The following CACNA1B variants were observed in gnomAD, a reference collection of about 807,000 sequenced individuals.
CACNA1B encodes calcium voltage-gated channel subunit alpha1 B.
Under a neutral mutation model 247.2 loss-of-function variants are expected in CACNA1B, and 70 were observed. The observed-to-expected ratio is 0.28, with a 90% confidence interval of 0.23 to 0.35. The LOEUF is 0.35. CACNA1B is among the 10% of genes least tolerant of loss of function. The pLI is 1.00. For missense variants in CACNA1B, 2,367 were observed against 3,197.4 expected (o/e 0.74, Z 6.26); for synonymous variants, 1,231 against 1,294.4 (o/e 0.95, Z 1.05).
rs1110146 is a variant in CACNA1B at position 137,882,918 on chromosome 9, A to G, written c.530+35A>G. ...CTGAGGCCAGGAGGCCCAGCGTGTG[A>G]GGCCCGGGCGTGTGCTCTCTGAAGC... On this transcript the variant is annotated intron_variant, in intron 3 of 46. Coordinates refer to ENST00000371372, the MANE Select transcript of CACNA1B (RefSeq NM_000718.4). This position sits in a 1 kb window ranked among gnomAD's most constrained non-coding sequence, Gnocchi z 4.0. 2 of 1,568,142 alleles carry G rather than the reference A, an allele frequency of 1.3e-6. No individual in the cohort carries two copies. The highest frequency in any genetic ancestry group is 4.5e-5 in the East Asian group (2 of 44,668).
At chr9:138,065,498 G>A (rs574532373) in intron 31 of CACNA1B, among the ~76,000 whole-genome samples, 50 of 152,278 alleles carry the variant, frequency 3.3e-4, no homozygotes, top group African/African-American at 1.1e-3. Context: ...AGGCAGTCCC[G>A]GGGCATCTGA....
At chr9:137,903,480 C>T (rs994727108) in intron 3 of CACNA1B, among the ~76,000 whole-genome samples, 6 of 152,284 alleles carry the variant, frequency 3.9e-5, no homozygotes, top group Admixed American at 6.5e-5. Flanking sequence ...CCTGTGGTCT[C>T]GTTGTGTAGC....
rs1170014152 is a variant in CACNA1B, at chr9:137,954,654, T to C, written c.1071-1044T>C. Reference sequence around the variant, plus strand: ...ACAGTGGACCCTGCCTTCCTGTAGATTTGGGACTTGGGATGCCCAGATGGG... The same window carrying C: ...ACAGTGGACCCTGCCTTCCTGTAGACTTGGGACTTGGGATGCCCAGATGGG... On this transcript the variant is annotated intron_variant, in intron 7 of 46. Coordinates refer to ENST00000371372, the MANE Select transcript of CACNA1B (RefSeq NM_000718.4). The surrounding 1 kb of genome is among the most constrained non-coding windows in gnomAD (Gnocchi z 4.1). 2.0e-5 allele frequency among the ~76,000 whole-genome samples: 3 copies of C among 152,086 alleles called. No individual in the cohort carries two copies. The highest frequency in any genetic ancestry group is 7.2e-5 in the African/African-American group (3 of 41,420).
At chr9:138,088,959 CAAAAAAAAAAA>C (rs56112600) in intron 36 of CACNA1B, among the ~76,000 whole-genome samples, 38 of 61,428 alleles carry the variant, frequency 6.2e-4, no homozygotes, top group South Asian at 3.9e-3. Flanking sequence ...AACTCCGTCT[CAAAAAAAAAAA>C]AAAAAAAAAA....
chr9:138,084,944 T>A, intron 36 of CACNA1B, among the ~76,000 whole-genome samples: 1 of 143,556 alleles, frequency 7.0e-6, no homozygotes, highest in Non-Finnish European at 1.5e-5. Flanking sequence ...AGAGCGAGAC[T>A]CCATCTCAAA....
Position 138,050,264 on chromosome 9 carries a change from G to A in CACNA1B, c.3710+949G>A, listed in dbSNP as rs1226005894. On this transcript the variant is annotated intron_variant, in intron 24 of 46. Coordinates refer to ENST00000371372, the MANE Select transcript of CACNA1B (RefSeq NM_000718.4). The surrounding 1 kb of genome is among the most constrained non-coding windows in gnomAD (Gnocchi z 5.2). ...TTCCTGCCATGCCTCTGGGAGCGGG[G>A]CGGGGAGCTGGGCTGGAGCTGGGCA... 1.3e-5 allele frequency among the ~76,000 whole-genome samples: 2 copies of A among 152,240 alleles called. No homozygotes were observed. Among genetic ancestry groups the A allele is most frequent in the Non-Finnish European group, 2.9e-5 (2 of 68,044 alleles).
At chr9:137,889,290 C>A (rs1406934860) in intron 3 of CACNA1B, among the ~76,000 whole-genome samples, 1 of 150,202 alleles carries the variant, frequency 6.7e-6, no homozygotes, top group African/African-American at 2.4e-5. Flanking sequence ...AGGTGCAGCA[C>A]CCCGACCTCC....
rs528162817 is a variant in CACNA1B, at chr9:138,011,819, C to T, written c.2161-1310C>T. ...CTTAGTTTCTGCCAGCGTTGCGCCC[C>T]GAATGCAGATTCAAGGACATTTTAG... On this transcript the variant is annotated intron_variant, in intron 17 of 46. Transcript: ENST00000371372. The surrounding 1 kb of genome is among the most constrained non-coding windows in gnomAD (Gnocchi z 4.2). Among the ~76,000 whole-genome samples the T allele has an allele frequency of 1.2e-4, 19 of 152,274 alleles. No individual in the cohort carries two copies. Among genetic ancestry groups the T allele is most frequent in the South Asian group, 1.0e-3 (5 of 4,820 alleles).
intron 3 of CACNA1B, among the ~76,000 whole-genome samples, chr9:137,897,280 C>G (rs933828681): frequency 2.0e-5 from 3 of 151,998 alleles, no homozygotes; most frequent in Non-Finnish European, 4.4e-5. Flanking sequence ...ACATATAATA[C>G]TATAAATTTG....
chr9:138,008,080 T>A (rs556506359), intron 16 of CACNA1B, among the ~76,000 whole-genome samples: 1 of 152,066 alleles, frequency 6.6e-6, no homozygotes, highest in African/African-American at 2.4e-5. Flanking sequence ...TCCTGGGAAG[T>A]TGAGTGTGTG....
Position 138,011,334 on chromosome 9 carries a change from C to T in CACNA1B, c.2160+1257C>T, listed in dbSNP as rs1958721666. 1.3e-5 allele frequency among the ~76,000 whole-genome samples: 2 copies of T among 152,144 alleles called. No homozygotes were observed. The highest frequency in any genetic ancestry group is 1.3e-4 in the Admixed American group (2 of 15,272). On this transcript the variant is annotated intron_variant, in intron 17 of 46. Transcript: ENST00000371372. The surrounding 1 kb of genome is among the most constrained non-coding windows in gnomAD (Gnocchi z 4.2). ...ATGGAGGAAGCCATGTCCTTGGGGCCCTGTGTCCACATACATGTACCCTCA... is the reference window on the plus strand; with the variant it reads ...ATGGAGGAAGCCATGTCCTTGGGGCTCTGTGTCCACATACATGTACCCTCA...
intron 20 of CACNA1B, among the ~76,000 whole-genome samples, chr9:138,038,127 A>G (rs1959069198): frequency 6.6e-6 from 1 of 152,256 alleles, no homozygotes; most frequent in Admixed American, 6.5e-5. Context: ...AGTGAGAGCT[A>G]GAAGAAAATT....
At chr9:138,000,917 C>T (rs1958569431) in intron 15 of CACNA1B, among the ~76,000 whole-genome samples, 1 of 152,070 alleles carries the variant, frequency 6.6e-6, no homozygotes, top group South Asian at 2.1e-4. Context: ...TTTATTTGTG[C>T]TTTTTTTCCC....
chr9:138,117,286 G>A (rs1036109208), intron 42 of CACNA1B, among the ~76,000 whole-genome samples: 4 of 43,702 alleles, frequency 9.2e-5, no homozygotes, highest in Non-Finnish European at 5.9e-5. Context: ...TTGTGGCTTG[G>A]GGGGGGGGTC....
chr9:138,045,146 C>T (rs900307940), intron 21 of CACNA1B, among the ~76,000 whole-genome samples: 1 of 152,144 alleles, frequency 6.6e-6, no homozygotes, highest in Non-Finnish European at 1.5e-5. Context: ...CACAGTAGCC[C>T]AGAAGTAGAA....
chr9:138,005,302 G>A (rs1227534627), intron 15 of CACNA1B, among the ~76,000 whole-genome samples: 2 of 152,346 alleles, frequency 1.3e-5, no homozygotes, highest in Non-Finnish European at 2.9e-5. Flanking sequence ...ATGAAATCCT[G>A]TCATTTGCAG....
chr9:138,120,715 G>A lies in CACNA1B; in HGVS notation c.6323G>A (p.Arg2108Gln), dbSNP rs1325101942. 6 of 1,531,072 alleles carry A rather than the reference G, an allele frequency of 3.9e-6. No individual in the cohort carries two copies. In the African/African-American group the frequency reaches 4.2e-5, roughly 11 times the overall value. 94.8% of individuals were successfully genotyped at this position (1,531,072 alleles called of 1,614,324 possible). A position where few individuals can be genotyped will look rare whatever the true frequency, so the allele number is the denominator to read the frequency against. Residue 2108 changes from arginine (R) to glutamine (Q), a missense_variant, in exon 46 of 47, where the codon CGG becomes CAG. By Grantham distance (43) the Arg-to-Gln change is conservative (BLOSUM62 1). Around this residue, in one of 12 missense-constraint regions of CACNA1B, gnomAD observed 773 missense variants for 779.4 expected, o/e 0.99. Transcript: ENST00000371372. Reference protein sequence around the residue: ...CRRERERRQERGRSQERRQPS... With the variant: ...CRRERERRQEQGRSQERRQPS... ...CGGGAACGAGAGCGCCGGCAGGAGC[G>A]GGGCCGGTCCCAGGAGCGGAGGCAG...
At position 138,120,185 on chromosome 9, in the gene CACNA1B, C is replaced by A; in HGVS notation, c.6051C>A (p.Pro2017=). Residue 2017 remains proline (P), a synonymous_variant, in exon 45 of 47, where the codon CCC becomes CCA. Transcript: ENST00000371372. ...AETQPVTDAS[P]MKRSISTLAQ... ...CACAGCCCGTCACAGATGCCAGCCC[C>A]ATGAAGCGCTCCATCTCCACGCTGG... 6.2e-7 allele frequency: 1 copy of A among 1,606,068 alleles called. No individual in the cohort carries two copies. Among genetic ancestry groups the A allele is most frequent in the East Asian group, 2.3e-5 (1 of 44,240 alleles).
intron 36 of CACNA1B, among the ~76,000 whole-genome samples, chr9:138,094,457 A>AAAAAAAAAAAAAAAGAAG (rs752912258): frequency 8.2e-5 from 11 of 134,864 alleles, no homozygotes; most frequent in East Asian, 7.8e-4. Flanking sequence ...AAAAAAAAAA[A>AAAAAAAAAAAAAAAGAAG]AAGAAGAAGA....
Sources: allele counts gnomAD v4.1 joint callset (sites outside exome capture counted in the v4.1 genomes callset), GRCh38; gene constraint gnomAD v4.1.1; regional missense constraint gnomAD v4.1.1; non-coding constraint Gnocchi (gnomAD v3.1); transcripts MANE v1.5; gene names NCBI Gene and HGNC (gene_info 2026-07-23, HGNC 2026-07-21).